Variants in TRIOBP observed in about 807,000 individuals in gnomAD.
The protein encoded by TRIOBP is TRIO and F-actin binding protein, also known as TRIO and F-actin-binding protein.
In TRIOBP, 169 loss-of-function variants were observed where a neutral mutation model predicts 238.8. That is an observed-to-expected ratio of 0.71 (90% CI 0.62 to 0.80). The LOEUF (loss-of-function observed/expected upper bound fraction) is 0.80. Ranked by LOEUF, TRIOBP falls within the 30% of genes least tolerant of loss-of-function variation. The pLI is 0.00. For synonymous variants in TRIOBP, 1,150 were observed against 1,274.4 expected (o/e 0.90, Z 2.08); for missense variants, 2,838 against 3,122.6 (o/e 0.91, Z 2.17).
At chr22:37,767,954 A>C in intron 18 of TRIOBP, 120 bp from the exon 19 acceptor site, 1 of 790,978 alleles carries the variant, frequency 1.3e-6, no homozygotes, top group South Asian at 1.5e-5. Context: ...TAGTACTTGC[A>C]TAGTACTATG....
At chr22:37,751,699 A>G (rs773839166) in intron 11 of TRIOBP, 73 bp from the exon 12 acceptor site, 19 of 1,548,738 alleles carry the variant, frequency 1.2e-5, no homozygotes, top group Non-Finnish European at 1.8e-6. Flanking sequence ...GGGTGGGTGC[A>G]GCACGCTCCC....
Position 37,710,573 on chromosome 22 carries a change from A to T in TRIOBP, c.254+7A>T. On this transcript the variant is annotated splice_region_variant and intron_variant, in intron 4 of 23. Transcript: ENST00000644935. ...TCAGGCCAGGGCCCAAGAGGTGGGTAGAGTCCCAGGGCCCAGGAAGGGCTT... is the reference window on the plus strand; with the variant it reads ...TCAGGCCAGGGCCCAAGAGGTGGGTTGAGTCCCAGGGCCCAGGAAGGGCTT... 6.2e-7 allele frequency: 1 copy of T among 1,608,672 alleles called. No individual in the cohort carries two copies. The highest frequency in any genetic ancestry group is 8.5e-7 in the Non-Finnish European group (1 of 1,179,332).
Position 37,723,195 on chromosome 22 carries a change from TG to T in TRIOBP, c.644del (p.Gly215AlafsTer26), listed in dbSNP as rs1923923024. ...CTCTTCTCTCTCCAGACACCGGCGG[TG>T]GGGGCCGGAGCGCAGGACAGCACTG... ...AGQKKEDTGG[G>X]GRSAGQHWAR... On this transcript the variant is annotated frameshift_variant, in exon 7 of 24. Coordinates refer to ENST00000644935, the MANE Select transcript of TRIOBP (RefSeq NM_001039141.3). LOFTEE classifies it high-confidence loss of function. 6.2e-7 allele frequency: 1 copy of T among 1,613,486 alleles called. No homozygotes were observed. Among genetic ancestry groups the T allele is most frequent in the South Asian group, 1.1e-5 (1 of 91,070 alleles).
In TRIOBP at chr22:37,726,489, C is replaced by T. The variant is rs778855202; in HGVS notation, c.3933C>T (p.Phe1311=). The T allele has an allele frequency of 3.6e-5, 55 of 1,521,664 alleles. No homozygotes were observed. Among genetic ancestry groups the T allele is most frequent in the Middle Eastern group, 2.2e-4 (1 of 4,622 alleles). 94.3% of individuals were successfully genotyped at this position (1,521,664 alleles called of 1,614,324 possible). A position where few individuals can be genotyped will look rare whatever the true frequency, so the allele number is the denominator to read the frequency against. ...SPGRAEVERL[F]GQERRKSEAA... is the part of the protein sequence containing the mutation. ...GCCGTGCAGAGGTGGAGCGCCTCTTCGGGCAAGAGCGCAGGTGAGCCCGGG... is the reference window on the plus strand; with the variant it reads ...GCCGTGCAGAGGTGGAGCGCCTCTTTGGGCAAGAGCGCAGGTGAGCCCGGG... The change falls in exon 7 of 24, where the codon TTC becomes TTT. Residue 1311 remains phenylalanine, a synonymous_variant. Coordinates refer to ENST00000644935, the MANE Select transcript of TRIOBP (RefSeq NM_001039141.3).
chr22:37,763,239 G>A (rs967881831), intron 17 of TRIOBP, among the ~76,000 whole-genome samples: 3 of 152,178 alleles, frequency 2.0e-5, no homozygotes, highest in South Asian at 4.1e-4. Flanking sequence ...AGGGAGCCTC[G>A]GGGGCTGGTC....
intron 17 of TRIOBP, among the ~76,000 whole-genome samples, chr22:37,761,296 A>G (rs77304359): frequency 6.6e-6 from 1 of 151,918 alleles, no homozygotes; most frequent in Non-Finnish European, 1.5e-5. Flanking sequence ...AAAAAAAAAA[A>G]TACAAAACTT....
rs1054777131 is a variant in TRIOBP, at chr22:37,745,497, G to C, written c.5322+4465G>C. On this transcript the variant is annotated intron_variant, in intron 11 of 23. Transcript: ENST00000644935. ...TGCAGGAAAAGAGCATCTAACAAAC[G>C]GCCCAGCGTTCTGGGAACCTGAGCA... 4.6e-5 allele frequency among the ~76,000 whole-genome samples: 7 copies of C among 152,120 alleles called. No homozygotes were observed. In the East Asian group the frequency reaches 1.4e-3, roughly 29 times the overall value.
rs766333658 is a variant in TRIOBP at position 37,710,571 on chromosome 22, G to A, written c.254+5G>A. Reference sequence around the variant, plus strand: ...CCTCAGGCCAGGGCCCAAGAGGTGGGTAGAGTCCCAGGGCCCAGGAAGGGC... The same window carrying A: ...CCTCAGGCCAGGGCCCAAGAGGTGGATAGAGTCCCAGGGCCCAGGAAGGGC... On this transcript the variant is annotated splice_donor_5th_base_variant and intron_variant, in intron 4 of 23. Coordinates refer to ENST00000644935, the MANE Select transcript of TRIOBP (RefSeq NM_001039141.3). 1.6e-5 allele frequency: 25 copies of A among 1,608,852 alleles called. No individual in the cohort carries two copies. The highest frequency in any genetic ancestry group is 8.8e-5 in the South Asian group (8 of 90,818).
intron 11 of TRIOBP, among the ~76,000 whole-genome samples, chr22:37,749,883 G>T (rs1276932050): frequency 6.6e-6 from 1 of 152,032 alleles, no homozygotes; most frequent in Non-Finnish European, 1.5e-5. Context: ...GAGCCCAGGA[G>T]GTTGAGTCAG....
At chr22:37,706,947 C>T (rs757361810) in intron 3 of TRIOBP, among the ~76,000 whole-genome samples, 6 of 151,896 alleles carry the variant, frequency 4.0e-5, no homozygotes, top group Non-Finnish European at 8.8e-5. Flanking sequence ...GTAGCAGCTC[C>T]CTGTGTATAC....
intron 6 of TRIOBP, among the ~76,000 whole-genome samples, chr22:37,717,450 A>G (rs900989449): frequency 1.3e-5 from 2 of 152,148 alleles, no homozygotes; most frequent in African/African-American, 4.8e-5. Flanking sequence ...TGATTGGTCC[A>G]TTTTACAGAG....
chr22:37,703,966 G>A (rs1380434084), intron 3 of TRIOBP, among the ~76,000 whole-genome samples: 2 of 152,264 alleles, frequency 1.3e-5, no homozygotes, highest in Admixed American at 6.5e-5. Flanking sequence ...ATTCAGGCTC[G>A]TCTGAGTTCT....
At chr22:37,770,906 TCTC>T (rs1926742570) in intron 21 of TRIOBP, among the ~76,000 whole-genome samples, 1 of 151,592 alleles carries the variant, frequency 6.6e-6, no homozygotes, top group African/African-American at 2.4e-5. Flanking sequence ...ATGGTCCCAA[TCTC>T]CTGACCTCGT....
Position 37,726,228 on chromosome 22 carries a change from C to G in TRIOBP, c.3672C>G (p.Pro1224=). Residue 1224 remains proline (P), a synonymous_variant, in exon 7 of 24, where the codon CCC becomes CCG. Coordinates refer to ENST00000644935, the MANE Select transcript of TRIOBP (RefSeq NM_001039141.3). Reference sequence around the variant, plus strand: ...TGTGCATCGGGCACCGGGATGCACCCCGAGCCTCCTCCCCACCCCGCCACC... The same window carrying G: ...TGTGCATCGGGCACCGGGATGCACCGCGAGCCTCCTCCCCACCCCGCCACC... ...PQVCIGHRDA[P]RASSPPRHPP... The G allele has an allele frequency of 6.2e-7, 1 of 1,605,548 alleles. No homozygotes were observed.
rs562304564 is a variant in TRIOBP, at chr22:37,760,803, G to A, written c.6324+1539G>A. Among the ~76,000 whole-genome samples, 25 of 152,060 alleles carry A rather than the reference G, an allele frequency of 1.6e-4. 1 individual carries two copies. Among genetic ancestry groups the A allele is most frequent in the African/African-American group, 4.6e-4 (19 of 41,482 alleles). On this transcript the variant is annotated intron_variant, in intron 17 of 23. Coordinates refer to ENST00000644935, the MANE Select transcript of TRIOBP (RefSeq NM_001039141.3). Reference sequence around the variant, plus strand: ...AACCTGGCCAACATGGTGAAACTCCGTCTCTAATAAAATACAAAAAATAGC... The same window carrying A: ...AACCTGGCCAACATGGTGAAACTCCATCTCTAATAAAATACAAAAAATAGC...
At chr22:37,758,285 C>A in intron 16 of TRIOBP, 147 bp downstream of exon 16, 1 of 1,073,152 alleles carries the variant, frequency 9.3e-7, no homozygotes. Flanking sequence ...CACACTCCTG[C>A]GAACTAGAAT....
At chr22:37,698,836 T>C (rs979360791) in intron 2 of TRIOBP, among the ~76,000 whole-genome samples, 1 of 151,098 alleles carries the variant, frequency 6.6e-6, no homozygotes, top group Non-Finnish European at 1.5e-5. Flanking sequence ...AGCAAGACCC[T>C]GCCCCCACCT....
At position 37,698,218 on chromosome 22, in the gene TRIOBP, AGAAAG is replaced by A. The variant is rs1213581237; in HGVS notation, c.-61+523_-61+527del. On this transcript the variant is annotated intron_variant, in intron 2 of 23. Coordinates refer to ENST00000644935, the MANE Select transcript of TRIOBP (RefSeq NM_001039141.3). ...CTGTCTCAAAAAAAAAAAAAAAAAA[AGAAAG>A]AAAGACACCAGGGTTTCAGAAGGGT... is the stretch of plus-strand genomic sequence containing the variant. Among the ~76,000 whole-genome samples the A allele has an allele frequency of 8.6e-5, 9 of 104,142 alleles. No homozygotes were observed. The East Asian group carries it at 1.0e-3, about 12-fold the overall frequency. 68.3% of individuals were successfully genotyped at this position (104,142 alleles called of 152,430 possible).
At position 37,734,483 on chromosome 22, in the gene TRIOBP, C is replaced by G. The variant is rs764297829; in HGVS notation, c.4147C>G (p.Pro1383Ala). Residue 1383 changes from proline (P) to alanine (A), a missense_variant, in exon 9 of 24, where the codon CCT becomes GCT. By Grantham distance (27) the Pro-to-Ala change is conservative. Transcript: ENST00000644935. ...TCATCCTTGGAGTCCTGAGAAGAGACCTGAGGGAGATCGGCAGCTCCAGGG... is the reference window on the plus strand; with the variant it reads ...TCATCCTTGGAGTCCTGAGAAGAGAGCTGAGGGAGATCGGCAGCTCCAGGG... ...PPHPWSPEKR[P>A]EGDRQLQGSP... 6.2e-7 allele frequency: 1 copy of G among 1,612,520 alleles called. No homozygotes were observed. The highest frequency in any genetic ancestry group is 1.3e-5 in the African/African-American group (1 of 75,014).
Sources: allele counts gnomAD v4.1 joint callset (sites outside exome capture counted in the v4.1 genomes callset), GRCh38; gene constraint gnomAD v4.1.1; transcripts MANE v1.5; gene names NCBI Gene and HGNC (gene_info 2026-07-23, HGNC 2026-07-21).